The following OSBPL6 variants were observed in gnomAD, a reference collection of about 807,000 sequenced individuals.
OSBPL6 encodes oxysterol binding protein like 6, also known as oxysterol-binding protein-related protein 6.
A neutral mutation model predicts 125.8 loss-of-function variants in OSBPL6; 49 were observed. The ratio of observed to expected loss-of-function variants is 0.39; its 90% CI spans 0.31 to 0.49. The LOEUF (loss-of-function observed/expected upper bound fraction) is 0.49. OSBPL6 is among the 20% of genes least tolerant of loss of function. The pLI is 0.88. For missense variants in OSBPL6, 986 were observed against 1,135.4 expected (o/e 0.87, Z 1.89); for synonymous variants, 394 against 391.8 (o/e 1.01, Z -0.07).
chr2:178,336,490 C>A (rs780313287), intron 9 of OSBPL6, 57 bp downstream of exon 9: 23 of 1,591,264 alleles, frequency 1.4e-5, no homozygotes, highest in Non-Finnish European at 2.0e-5. Context: ...AGAAACAAAA[C>A]CCGAAGAGGT....
chr2:178,309,706 T>C (rs536958629), intron 3 of OSBPL6, among the ~76,000 whole-genome samples: 4 of 152,360 alleles, frequency 2.6e-5, no homozygotes, highest in Admixed American at 2.6e-4. Context: ...AAATCTGATA[T>C]GAGCTGTTAG....
chr2:178,278,211 G>T (rs2092509517), intron 1 of OSBPL6, among the ~76,000 whole-genome samples: 1 of 152,042 alleles, frequency 6.6e-6, no homozygotes, highest in Non-Finnish European at 1.5e-5. Flanking sequence ...TTCCCACCCA[G>T]CCCACAAACG....
intron 13 of OSBPL6, among the ~76,000 whole-genome samples, chr2:178,362,191 A>G (rs962399077): frequency 3.3e-5 from 5 of 152,216 alleles, no homozygotes; most frequent in African/African-American, 1.2e-4. Context: ...AATATTTTTT[A>G]AAAATGTACT....
chr2:178,306,255 C>T lies in OSBPL6; in HGVS notation c.71C>T (p.Ser24Phe). The T allele has an allele frequency of 2.5e-6, 4 of 1,613,548 alleles. No individual in the cohort carries two copies. Among genetic ancestry groups the T allele is most frequent in the Non-Finnish European group, 2.5e-6 (3 of 1,179,472 alleles). ...TSTPTHRSAS[S>F]STSSQRDSRQ... ...ACTCCAACCCATAGAAGTGCCTCCT[C>T]TTCAACATCCTCCCAAAGGGACAGT... The change falls in exon 3 of 25, where the codon TCT becomes TTT. Residue 24 changes from serine to phenylalanine, a missense_variant. Transcript: ENST00000190611.
In OSBPL6 at chr2:178,396,766, A is replaced by T. The variant is rs1695869473; in HGVS notation, c.*1207A>T. 1.3e-5 allele frequency: 2 copies of T among 152,250 alleles called. No homozygotes were observed. Among genetic ancestry groups the T allele is most frequent in the South Asian group, 4.1e-4 (2 of 4,832 alleles). 9.4% of individuals were successfully genotyped at this position (152,250 alleles called of 1,614,324 possible). Reference sequence around the variant, plus strand: ...TTACCTTGCTATTGGCAGAGATATGAAACTTAAGCTAAGGAATGTATCCAT... The same window carrying T: ...TTACCTTGCTATTGGCAGAGATATGTAACTTAAGCTAAGGAATGTATCCAT... On this transcript the variant is annotated 3_prime_UTR_variant, in exon 25 of 25. Coordinates refer to ENST00000190611, the MANE Select transcript of OSBPL6 (RefSeq NM_032523.4).
At chr2:178,287,473 A>G (rs1451046483) in intron 2 of OSBPL6, among the ~76,000 whole-genome samples, 1 of 152,204 alleles carries the variant, frequency 6.6e-6, no homozygotes, top group Non-Finnish European at 1.5e-5. Context: ...GGATCTCTCA[A>G]TACTTGACAA....
chr2:178,241,239 G>A (rs1056342001), intron 1 of OSBPL6, among the ~76,000 whole-genome samples: 11 of 151,052 alleles, frequency 7.3e-5, no homozygotes, highest in African/African-American at 2.2e-4. Context: ...CCAGCTTCCC[G>A]AGTAGCTGGG....
chr2:178,348,542 T>C (rs1269901741), intron 11 of OSBPL6, among the ~76,000 whole-genome samples: 1 of 152,190 alleles, frequency 6.6e-6, no homozygotes. Flanking sequence ...TATAGTAATA[T>C]GACTTTTTCT....
chr2:178,258,608 T>C (rs903623151), intron 1 of OSBPL6, among the ~76,000 whole-genome samples: 1 of 152,230 alleles, frequency 6.6e-6, no homozygotes, highest in Non-Finnish European at 1.5e-5. Flanking sequence ...TTACCTATAC[T>C]GAAAGCACTA....
At chr2:178,261,769 G>C (rs1231476123) in intron 1 of OSBPL6, among the ~76,000 whole-genome samples, 2 of 152,174 alleles carry the variant, frequency 1.3e-5, no homozygotes, top group Admixed American at 6.5e-5. Flanking sequence ...GGATAATTTT[G>C]TATTGAACGA....
At chr2:178,232,878 A>G (rs1452560999) in intron 1 of OSBPL6, among the ~76,000 whole-genome samples, 2 of 152,110 alleles carry the variant, frequency 1.3e-5, no homozygotes, top group Admixed American at 6.6e-5. Flanking sequence ...TGGGCCTCAG[A>G]TGTACTCGTG....
At chr2:178,311,748 AT>A (rs1687289051) in intron 3 of OSBPL6, among the ~76,000 whole-genome samples, 1 of 152,184 alleles carries the variant, frequency 6.6e-6, no homozygotes, top group Non-Finnish European at 1.5e-5. Context: ...ACAAGAGTGG[AT>A]TTTGAGAGTA....
At chr2:178,200,783 T>C (rs1458766360) in intron 1 of OSBPL6, among the ~76,000 whole-genome samples, 2 of 152,114 alleles carry the variant, frequency 1.3e-5, no homozygotes, top group African/African-American at 2.4e-5. Flanking sequence ...GAATTCCAGA[T>C]AAATATTTCT....
chr2:178,257,991 A>G (rs1379395433), intron 1 of OSBPL6, among the ~76,000 whole-genome samples: 1 of 151,852 alleles, frequency 6.6e-6, no homozygotes, highest in Non-Finnish European at 1.5e-5. Context: ...GGGTCTACCT[A>G]TGTTGCCCAA....
intron 9 of OSBPL6, among the ~76,000 whole-genome samples, chr2:178,336,975 C>G (rs993138618): frequency 1.3e-5 from 2 of 152,180 alleles, no homozygotes; most frequent in Non-Finnish European, 2.9e-5. Flanking sequence ...TTAGTGTGCT[C>G]CACTGTGGAT....
intron 1 of OSBPL6, among the ~76,000 whole-genome samples, chr2:178,198,617 C>CATAA (rs35367535): frequency 0.25 from 33,859 of 137,200 alleles, 4,358 homozygotes; most frequent in African/African-American, 0.3. Flanking sequence ...GACTCCATCT[C>CATAA]ATAAATAAAT....
chr2:178,376,090 G>A (rs1250875791), intron 15 of OSBPL6, among the ~76,000 whole-genome samples: 1 of 152,114 alleles, frequency 6.6e-6, no homozygotes, highest in Non-Finnish European at 1.5e-5. Context: ...GGAGTTACCT[G>A]TCAGGCATTT....
At chr2:178,282,238 ATT>A (rs1684266009) in intron 1 of OSBPL6, among the ~76,000 whole-genome samples, 1 of 152,128 alleles carries the variant, frequency 6.6e-6, no homozygotes. Context: ...CTAAGGTTTT[ATT>A]TACATAGGCA....
intron 2 of OSBPL6, among the ~76,000 whole-genome samples, chr2:178,291,708 T>TCCTC (rs1267347045): frequency 1.0e-4 from 15 of 150,092 alleles, no homozygotes; most frequent in Admixed American, 2.0e-4. Flanking sequence ...CTTCCTTCTT[T>TCCTC]CCTCCCTCCC....
Sources: allele counts gnomAD v4.1 joint callset (sites outside exome capture counted in the v4.1 genomes callset), GRCh38; gene constraint gnomAD v4.1.1; transcripts MANE v1.5; gene names NCBI Gene and HGNC (gene_info 2026-07-23, HGNC 2026-07-21).